The following DAPP1 variants were observed in gnomAD, a reference collection of about 807,000 sequenced individuals.
DAPP1 encodes the protein dual adapter for phosphotyrosine and 3-phosphotyrosine and 3-phosphoinositide.
DAPP1 carries 20 observed loss-of-function variants against 41.5 expected under a neutral mutation model. The ratio of observed to expected loss-of-function variants is 0.48; its 90% CI spans 0.34 to 0.70. The LOEUF (loss-of-function observed/expected upper bound fraction) is 0.70, where lower values mean the gene tolerates loss of function less well. Among genes scored for constraint, DAPP1 ranks in the 30% least tolerant of loss-of-function variants. DAPP1 has a pLI of 0.01. For synonymous variants in DAPP1, 113 were observed against 116.2 expected (o/e 0.97, Z 0.18); for missense variants, 233 against 333.4 (o/e 0.70, Z 2.35).
intron 1 of DAPP1, among the ~76,000 whole-genome samples, chr4:99,826,435 T>A (rs1282959070): frequency 6.6e-6 from 1 of 152,250 alleles, no homozygotes; most frequent in Non-Finnish European, 1.5e-5. Flanking sequence ...ATATATGTCC[T>A]CTTTATAACT....
chr4:99,859,186 G>T (rs1179354684), intron 4 of DAPP1, among the ~76,000 whole-genome samples: 1 of 152,134 alleles, frequency 6.6e-6, no homozygotes. Context: ...AAAGTGCTGG[G>T]ATTATAGTTG....
intron 3 of DAPP1, among the ~76,000 whole-genome samples, chr4:99,850,210 G>A (rs1723805958): frequency 6.6e-6 from 1 of 152,216 alleles, no homozygotes; most frequent in Non-Finnish European, 1.5e-5. Flanking sequence ...ACGAGTTCGA[G>A]ACCAGTCTGG....
At chr4:99,863,269 C>A (rs188297488) in intron 6 of DAPP1, among the ~76,000 whole-genome samples, 197 bp downstream of exon 6, 113 of 152,208 alleles carry the variant, frequency 7.4e-4, no homozygotes, top group African/African-American at 2.6e-3. Context: ...AAATTGCTTT[C>A]TTGGATTGGC....
At chr4:99,866,571 C>A (rs566121915) in intron 8 of DAPP1, 3 of 766,246 alleles carry the variant, frequency 3.9e-6, no homozygotes, top group Non-Finnish European at 7.2e-6. Flanking sequence ...AGGACAAAAG[C>A]TGATTTATTT....
Position 99,861,597 on chromosome 4 carries a change from A to T in DAPP1, c.509A>T (p.Tyr170Phe). 6.4e-7 allele frequency: 1 copy of T among 1,573,542 alleles called. No homozygotes were observed. The highest frequency in any genetic ancestry group is 8.6e-7 in the Non-Finnish European group (1 of 1,158,356). Reference protein sequence around the residue: ...TAPSLGTKEGYLTKQGGLVKT... With the variant: ...TAPSLGTKEGFLTKQGGLVKT... The stretch of plus-strand genomic sequence containing the variant: ...TTTCAGCTGGGCACCAAAGAAGGTT[A>T]CCTCACCAAACAGGGAGGCCTGGTC... Residue 170 changes from tyrosine (Y) to phenylalanine (F), a missense_variant, in exon 5 of 9, where the codon TAC becomes TTC. Coordinates refer to ENST00000512369, the MANE Select transcript of DAPP1 (RefSeq NM_014395.3).
At chr4:99,865,913 A>ATAT (rs1414749537) in intron 7 of DAPP1, 121 bp from the exon 8 acceptor site, 148 of 87,342 alleles carry the variant, frequency 1.7e-3, no homozygotes, top group Admixed American at 4.9e-3. Flanking sequence ...ATATATATAT[A>ATAT]TATATATATA....
In DAPP1 at chr4:99,835,614, C is replaced by T; in HGVS notation, c.102-9C>T. On this transcript the variant is annotated splice_polypyrimidine_tract_variant and intron_variant, in intron 1 of 8. Transcript: ENST00000512369. ...GGCCTGAGTGAAAGCGCTGTTCCCTCCTTTCTAGGTGGTATCACGGCAACC... is the reference window on the plus strand; with the variant it reads ...GGCCTGAGTGAAAGCGCTGTTCCCTTCTTTCTAGGTGGTATCACGGCAACC... The T allele has an allele frequency of 6.2e-7, 1 of 1,612,190 alleles. No homozygotes were observed. Among genetic ancestry groups the T allele is most frequent in the Non-Finnish European group, 8.5e-7 (1 of 1,179,670 alleles).
chr4:99,852,195 A>G (rs904462324), intron 3 of DAPP1, among the ~76,000 whole-genome samples: 1 of 152,224 alleles, frequency 6.6e-6, no homozygotes, highest in African/African-American at 2.4e-5. Flanking sequence ...CCCAGTACCT[A>G]GACAAGTGCC....
At chr4:99,842,135 T>A (rs1723515327) in intron 3 of DAPP1, among the ~76,000 whole-genome samples, 1 of 152,208 alleles carries the variant, frequency 6.6e-6, no homozygotes, top group South Asian at 2.1e-4. Flanking sequence ...AAAATAAAGA[T>A]GTTTTGATAT....
chr4:99,835,014 T>G (rs998944441), intron 1 of DAPP1, among the ~76,000 whole-genome samples: 3 of 422 alleles, frequency 7.1e-3, no homozygotes, highest in Non-Finnish European at 0.048. Flanking sequence ...ATGACCTCAT[T>G]TTTTTTTTTT....
chr4:99,840,250 T>A, intron 2 of DAPP1, 39 bp from the exon 3 acceptor site: 1 of 1,345,982 alleles, frequency 7.4e-7, no homozygotes, highest in South Asian at 1.4e-5. Flanking sequence ...AAGATATTTA[T>A]TTGTTAAATA....
chr4:99,842,447 A>G (rs1413663217), intron 3 of DAPP1, among the ~76,000 whole-genome samples: 1 of 152,222 alleles, frequency 6.6e-6, no homozygotes, highest in Non-Finnish European at 1.5e-5. Flanking sequence ...ATGGATATGC[A>G]CTTGACTTGC....
At chr4:99,844,342 T>C (rs1361059718) in intron 3 of DAPP1, 1 of 152,170 alleles carries the variant, frequency 6.6e-6, no homozygotes, top group Admixed American at 6.5e-5. Context: ...GTCTCAATAG[T>C]AGGATATCAA....
At chr4:99,863,716 C>A (rs1339373182) in intron 6 of DAPP1, 54 bp from the exon 7 acceptor site, 2 of 867,648 alleles carry the variant, frequency 2.3e-6, no homozygotes, top group East Asian at 3.5e-5. Context: ...ACAGATTTGT[C>A]TGTTTTTTTT....
intron 3 of DAPP1, among the ~76,000 whole-genome samples, chr4:99,847,597 A>G (rs1318856644): frequency 2.6e-5 from 4 of 152,166 alleles, no homozygotes; most frequent in Non-Finnish European, 4.4e-5. Context: ...CAAGTTTCCA[A>G]GGCCTGTGGT....
At chr4:99,835,571 G>T in intron 1 of DAPP1, 52 bp from the exon 2 acceptor site, 1 of 1,598,666 alleles carries the variant, frequency 6.3e-7, no homozygotes. Context: ...CAGTGCAGGG[G>T]GAGTCATGCC....
intron 3 of DAPP1, 120 bp downstream of exon 3, chr4:99,840,542 G>A (rs1362629376): frequency 8.5e-7 from 1 of 1,177,796 alleles, no homozygotes; most frequent in Admixed American, 2.8e-5. Flanking sequence ...ATCTTGAAGA[G>A]AAAACAATGT....
chr4:99,866,756 C>A (rs188228739), intron 8 of DAPP1: 192 of 456,354 alleles, frequency 4.2e-4, no homozygotes, highest in East Asian at 2.8e-3. Flanking sequence ...TTGATGATTT[C>A]TTTTTTTCTA....
chr4:99,818,228 C>A (rs1722654893), intron 1 of DAPP1, among the ~76,000 whole-genome samples: 1 of 152,126 alleles, frequency 6.6e-6, no homozygotes. Context: ...GAAGCCAGAG[C>A]TCTAGAATCT....
Sources: gnomAD v4.1 joint callset for allele counts (sites outside exome capture counted in the v4.1 genomes callset) on GRCh38, gnomAD v4.1.1 for gene constraint, MANE v1.5 for transcripts, NCBI Gene and HGNC (gene_info 2026-07-23, HGNC 2026-07-21) for gene names.